The following KLB variants were observed in gnomAD, a reference collection of about 807,000 sequenced individuals.
The protein encoded by KLB is beta-klotho.
In KLB, 44 loss-of-function variants were observed where a neutral mutation model predicts 88.4. That is an observed-to-expected ratio of 0.50 (90% confidence interval 0.39 to 0.64). KLB has a LOEUF of 0.64. KLB is among the 30% of genes least tolerant of loss of function. The pLI, the probability that KLB is intolerant of heterozygous loss-of-function variation, is 0.00. For missense variants in KLB, 1,137 were observed against 1,304.8 expected, an observed-to-expected ratio of 0.87 and a Z score of 1.98; for synonymous variants, 548 against 513.4, an observed-to-expected ratio of 1.07 and a Z score of -0.91.
intron 3 of KLB, among the ~76,000 whole-genome samples, chr4:39,438,624 G>A (rs1743531691): frequency 6.6e-6 from 1 of 152,272 alleles, no homozygotes; most frequent in Admixed American, 6.5e-5. Context: ...CTTATCACCT[G>A]TCTTCCCCTA....
Position 39,446,332 on chromosome 4 carries a change from C to T in KLB, c.1606C>T (p.Pro536Ser). The change falls in exon 4 of 5, where the codon CCC becomes TCC. Residue 536 changes from proline (P) to serine (S), a missense_variant and splice_region_variant. This residue lies in a region of KLB where 597 missense variants were observed against 765.2 expected (regional missense o/e 0.78). Transcript: ENST00000257408. This position sits in a 1 kb window ranked among gnomAD's most constrained non-coding sequence, Gnocchi z 6.4. The part of the protein sequence containing the change: ...SWGVTESVLK[P>S]ESVASSPQFS... ...ACCTAAATGAGCTTGTTTTTCACAG[C>T]CCGAGTCTGTGGCTTCGTCCCCACA... is the stretch of plus-strand genomic sequence containing the variant. 9 of 1,611,820 alleles carry T rather than the reference C, an allele frequency of 5.6e-6. No individual in the cohort carries two copies. Among genetic ancestry groups the T allele is most frequent in the South Asian group, 1.1e-5 (1 of 90,916 alleles).
At chr4:39,434,168 T>TA in intron 1 of KLB, 42 bp from the exon 2 acceptor site, 1 of 1,549,486 alleles carries the variant, frequency 6.5e-7, no homozygotes, top group Admixed American at 1.8e-5. Context: ...ACAGCCCTTG[T>TA]AAGTGAGGAC....
chr4:39,415,690 AAT>A (rs1438347880), intron 1 of KLB, among the ~76,000 whole-genome samples: 2 of 152,194 alleles, frequency 1.3e-5, no homozygotes, highest in Non-Finnish European at 2.9e-5. Context: ...CTTAAAATAC[AAT>A]AGTCAATAAA....
intron 1 of KLB, among the ~76,000 whole-genome samples, chr4:39,414,488 T>C (rs571325010): frequency 1.3e-5 from 2 of 152,258 alleles, no homozygotes; most frequent in South Asian, 2.1e-4. Flanking sequence ...TAAGCATTAG[T>C]TATTTCTTAA....
intron 1 of KLB, 127 bp downstream of exon 1, chr4:39,407,901 A>C (rs1742764816): frequency 3.5e-6 from 2 of 572,014 alleles, no homozygotes; most frequent in Non-Finnish European, 6.0e-6. Context: ...CAAAAGATCT[A>C]TCCTCAAATT....
intron 1 of KLB, among the ~76,000 whole-genome samples, chr4:39,423,691 C>T (rs545117838): frequency 2.0e-5 from 3 of 151,868 alleles, no homozygotes; most frequent in Non-Finnish European, 2.9e-5. Flanking sequence ...ATTCATTCAA[C>T]AAATATTCTA....
chr4:39,423,999 T>C (rs981193152), intron 1 of KLB, among the ~76,000 whole-genome samples: 3 of 151,856 alleles, frequency 2.0e-5, no homozygotes, highest in Non-Finnish European at 2.9e-5. Context: ...ACCCTGTCTC[T>C]GCAAAAATAA....
At chr4:39,407,902 T>G (rs762199447) in intron 1 of KLB, 128 bp downstream of exon 1, 3 of 569,070 alleles carry the variant, frequency 5.3e-6, no homozygotes, top group Non-Finnish European at 9.0e-6. Context: ...AAAAGATCTA[T>G]CCTCAAATTT....
intron 3 of KLB, among the ~76,000 whole-genome samples, chr4:39,439,129 CT>C (rs1211511334): frequency 6.6e-6 from 1 of 151,608 alleles, no homozygotes; most frequent in Non-Finnish European, 1.5e-5. Flanking sequence ...CAAACTTGAA[CT>C]GGCACTACAG....
At position 39,448,850 on chromosome 4, in the gene KLB, G is replaced by A; in HGVS notation, c.*164G>A. The stretch of plus-strand genomic sequence containing the variant: ...GTGTGGTTCAAAGAACATTCCCTTA[G>A]GTGTTGACATCAGTGAACTCAGTTC... On this transcript the variant is annotated 3_prime_UTR_variant, in exon 5 of 5. Transcript: ENST00000257408. The A allele has an allele frequency of 1.5e-6, 1 of 652,586 alleles. No individual in the cohort carries two copies. Among genetic ancestry groups the A allele is most frequent in the Non-Finnish European group, 2.6e-6 (1 of 389,110 alleles). 40.4% of individuals were successfully genotyped at this position (652,586 alleles called of 1,614,324 possible).
intron 1 of KLB, among the ~76,000 whole-genome samples, chr4:39,415,816 A>C (rs575410207): frequency 1.3e-5 from 2 of 152,292 alleles, no homozygotes; most frequent in African/African-American, 4.8e-5. Flanking sequence ...ATTGCTTAAC[A>C]CTGTGAAAGT....
Position 39,446,313 on chromosome 4 carries a change from A to T in KLB, c.1606-19A>T. ...ATCTGCCAGCGCATGCTTGACCTAAATGAGCTTGTTTTTCACAGCCCGAGT... is the reference window on the plus strand; with the variant it reads ...ATCTGCCAGCGCATGCTTGACCTAATTGAGCTTGTTTTTCACAGCCCGAGT... On this transcript the variant is annotated intron_variant, in intron 3 of 4. Transcript: ENST00000257408. The surrounding 1 kb of genome is among the most constrained non-coding windows in gnomAD (Gnocchi z 6.4). 1 of 1,605,898 alleles carries T rather than the reference A, an allele frequency of 6.2e-7. No homozygotes were observed. Among genetic ancestry groups the T allele is most frequent in the East Asian group, 2.2e-5 (1 of 44,802 alleles).
intron 3 of KLB, among the ~76,000 whole-genome samples, chr4:39,441,963 C>T (rs573613266): frequency 6.6e-6 from 1 of 152,150 alleles, no homozygotes; most frequent in East Asian, 1.9e-4. Flanking sequence ...TAAGCCAGAC[C>T]GGGCATGGTG....
chr4:39,410,212 A>C (rs1030335003), intron 1 of KLB, among the ~76,000 whole-genome samples: 1 of 152,264 alleles, frequency 6.6e-6, no homozygotes, highest in Non-Finnish European at 1.5e-5. Flanking sequence ...AAGCCTTAAA[A>C]TTGGCTGATA....
intron 1 of KLB, among the ~76,000 whole-genome samples, chr4:39,415,508 A>G (rs1742946960): frequency 6.6e-6 from 1 of 152,182 alleles, no homozygotes; most frequent in African/African-American, 2.4e-5. Context: ...AAAATAAAAA[A>G]TAAATAAAAT....
chr4:39,447,906 A>AGTGG (rs574160445), intron 4 of KLB, among the ~76,000 whole-genome samples: 262 of 149,410 alleles, frequency 1.8e-3, no homozygotes, highest in Non-Finnish European at 3.2e-3. Flanking sequence ...ACAGTGAGTG[A>AGTGG]GTGGGTAAAA....
chr4:39,432,723 C>T (rs766872433), intron 1 of KLB, among the ~76,000 whole-genome samples: 33 of 152,186 alleles, frequency 2.2e-4, no homozygotes, highest in Middle Eastern at 3.4e-3. Context: ...AAACCCATCA[C>T]GAGGCTGTGT....
intron 3 of KLB, among the ~76,000 whole-genome samples, chr4:39,439,965 G>C (rs532730232): frequency 3.3e-5 from 5 of 150,906 alleles, no homozygotes; most frequent in Admixed American, 1.3e-4. Flanking sequence ...ACCACGCCCA[G>C]CCAAATTTTT....
intron 1 of KLB, among the ~76,000 whole-genome samples, chr4:39,425,910 G>A (rs1027624419): frequency 6.6e-6 from 1 of 151,912 alleles, no homozygotes; most frequent in South Asian, 2.1e-4. Context: ...TTGAGGTCAG[G>A]AGCTTGAGAC....
Sources: allele counts gnomAD v4.1 joint callset (sites outside exome capture counted in the v4.1 genomes callset), GRCh38; gene constraint gnomAD v4.1.1; regional missense constraint gnomAD v4.1.1; non-coding constraint Gnocchi (gnomAD v3.1); transcripts MANE v1.5; gene names NCBI Gene and HGNC (gene_info 2026-07-23, HGNC 2026-07-21).